HECW1: variants seen among roughly 807,000 people sequenced by gnomAD.
HECW1 encodes E3 ubiquitin-protein ligase HECW1.
A neutral mutation model predicts 182.3 loss-of-function variants in HECW1; 61 were observed. The observed-to-expected ratio is 0.33, with a 90% CI of 0.27 to 0.41. The LOEUF (loss-of-function observed/expected upper bound fraction) is 0.41, where lower values mean the gene tolerates loss of function less well. HECW1 is among the 10% of genes least tolerant of loss of function. HECW1 has a pLI of 1.00. For missense variants in HECW1, 1,739 were observed against 2,108.9 expected, an observed-to-expected ratio of 0.82 and a Z score of 3.44; for synonymous variants, 859 against 832.6, an observed-to-expected ratio of 1.03 and a Z score of -0.55.
chr7:43,508,034 G>A lies in HECW1; in HGVS notation c.3769G>A (p.Asp1257Asn). The A allele has an allele frequency of 1.2e-6, 2 of 1,613,770 alleles. No individual in the cohort carries two copies. Among genetic ancestry groups the A allele is most frequent in the Non-Finnish European group, 1.7e-6 (2 of 1,179,706 alleles). Residue 1257 changes from aspartate (D) to asparagine (N), a missense_variant, in exon 23 of 30, where the codon GAT becomes AAT. This residue lies in a region of HECW1 where 420 missense variants were observed against 595.7 expected (regional missense o/e 0.71). Coordinates refer to ENST00000395891, the MANE Select transcript of HECW1 (RefSeq NM_015052.5). ...PGKIKLIIRRDHLLEGTFNQV... is the reference protein window; with the variant it reads ...PGKIKLIIRRNHLLEGTFNQV... ...CCTTCTCAGGCTCATTATTCGCCGG[G>A]ATCATTTGTTGGAGGGAACCTTCAA...
rs762506249 is a variant in HECW1, at chr7:43,396,827, T to C, written c.569T>C (p.Ile190Thr). ...TTCTTTTTACAGATTTTTAAAAGCA[T>C]TGGTGCTGATGAGACCGTCCAAGGA... The part of the protein sequence containing the change: ...KNSAAPIFKS[I>T]GADETVQGQG... The change falls in exon 7 of 30, where the codon ATT becomes ACT. Residue 190 changes from isoleucine to threonine, a missense_variant. By Grantham distance (89) the Ile-to-Thr change is moderately conservative. This residue lies in a region of HECW1 where 279 missense variants were observed against 353.1 expected (regional missense o/e 0.79). Transcript: ENST00000395891. 11 of 1,612,172 alleles carry C rather than the reference T, an allele frequency of 6.8e-6. No homozygotes were observed. Among genetic ancestry groups the C allele is most frequent in the Admixed American group, 5.0e-5 (3 of 59,996 alleles).
chr7:43,211,754 G>A (rs370876449), intron 2 of HECW1, among the ~76,000 whole-genome samples: 2 of 152,272 alleles, frequency 1.3e-5, no homozygotes, highest in East Asian at 3.9e-4. Flanking sequence ...TTGAACAAAG[G>A]GAAAACCTTT....
At chr7:43,518,284 C>T (rs1325537821) in intron 24 of HECW1, among the ~76,000 whole-genome samples, 1 of 152,064 alleles carries the variant, frequency 6.6e-6, no homozygotes, top group South Asian at 2.1e-4. Flanking sequence ...CACTTGAGGT[C>T]AGGAGTTTGA....
At chr7:43,284,089 G>A (rs955843249) in intron 3 of HECW1, among the ~76,000 whole-genome samples, 5 of 152,144 alleles carry the variant, frequency 3.3e-5, no homozygotes, top group Non-Finnish European at 2.9e-5. Flanking sequence ...TTTGAGATAC[G>A]TGACTCTAAA....
At chr7:43,283,577 T>C (rs1804209230) in intron 3 of HECW1, among the ~76,000 whole-genome samples, 1 of 152,230 alleles carries the variant, frequency 6.6e-6, no homozygotes, top group Non-Finnish European at 1.5e-5. Context: ...CTGATAGATA[T>C]AAGCCACATA....
At chr7:43,272,278 G>A (rs1406970945) in intron 3 of HECW1, among the ~76,000 whole-genome samples, 2 of 152,000 alleles carry the variant, frequency 1.3e-5, no homozygotes, top group African/African-American at 4.8e-5. Flanking sequence ...TCAGCCTTAG[G>A]AAAGAATTTA....
At position 43,363,719 on chromosome 7, in the gene HECW1, G is replaced by C. The variant is rs149711778; in HGVS notation, c.555+2739G>C. ...TTAGGTTTCATAGGAGCCACTGGGAGGAGCCCCCTTTGTTTGATGGCGTGG... is the reference window on the plus strand; with the variant it reads ...TTAGGTTTCATAGGAGCCACTGGGACGAGCCCCCTTTGTTTGATGGCGTGG... On this transcript the variant is annotated intron_variant, in intron 6 of 29. Transcript: ENST00000395891. 1.4e-4 allele frequency among the ~76,000 whole-genome samples: 21 copies of C among 152,288 alleles called. No individual in the cohort carries two copies. In the East Asian group the frequency reaches 2.3e-3, roughly 17 times the overall value.
chr7:43,305,010 G>T (rs746796699), intron 3 of HECW1, among the ~76,000 whole-genome samples: 1 of 152,228 alleles, frequency 6.6e-6, no homozygotes, highest in Non-Finnish European at 1.5e-5. Context: ...AGAGGAAGCT[G>T]CGGGACTGAG....
chr7:43,430,798 T>G (rs1461527449), intron 8 of HECW1, among the ~76,000 whole-genome samples: 3 of 150,402 alleles, frequency 2.0e-5, no homozygotes, highest in Non-Finnish European at 4.4e-5. Context: ...ATTATTATTA[T>G]TGAGATGGAG....
chr7:43,488,390 GGA>G (rs2078750900), intron 17 of HECW1, among the ~76,000 whole-genome samples: 1 of 47,182 alleles, frequency 2.1e-5, no homozygotes, highest in African/African-American at 6.3e-5. Flanking sequence ...AAGGAAGGAA[GGA>G]AGGAAGGAAA....
chr7:43,151,354 G>A (rs934143752), intron 2 of HECW1, among the ~76,000 whole-genome samples: 2 of 152,188 alleles, frequency 1.3e-5, no homozygotes, highest in Non-Finnish European at 2.9e-5. Context: ...TTGTAAAAAT[G>A]ATTGATTTAC....
intron 26 of HECW1, among the ~76,000 whole-genome samples, chr7:43,544,064 A>T (rs2081465532): frequency 6.6e-6 from 1 of 152,170 alleles, no homozygotes; most frequent in Admixed American, 6.5e-5. Flanking sequence ...GAATGTAAAA[A>T]TTTTTAAAAA....
At position 43,473,378 on chromosome 7, in the gene HECW1, A is replaced by G. The variant is rs144223216; in HGVS notation, c.3099+4273A>G. Among the ~76,000 whole-genome samples, 309 of 152,352 alleles carry G rather than the reference A, an allele frequency of 2.0e-3. 6 individuals carry two copies. In the East Asian group the frequency reaches 0.051, roughly 25 times the overall value. On this transcript the variant is annotated intron_variant, in intron 16 of 29. Transcript: ENST00000395891. ...CACACTAAGACACTGATGAAACACCAAAAGCCATTCTCCAGATGGATCACT... is the reference window on the plus strand; with the variant it reads ...CACACTAAGACACTGATGAAACACCGAAAGCCATTCTCCAGATGGATCACT...
intron 24 of HECW1, among the ~76,000 whole-genome samples, chr7:43,515,623 T>C (rs1402255347): frequency 6.6e-6 from 1 of 152,206 alleles, no homozygotes; most frequent in Non-Finnish European, 1.5e-5. Flanking sequence ...TACTTATCAG[T>C]GCAAAGACAC....
chr7:43,390,188 T>C (rs1044494607), intron 6 of HECW1, among the ~76,000 whole-genome samples: 5 of 151,660 alleles, frequency 3.3e-5, no homozygotes, highest in African/African-American at 1.2e-4. Context: ...GTCTTCAAGG[T>C]GGTAAAGAAA....
chr7:43,474,517 T>G (rs2078148145), intron 16 of HECW1, among the ~76,000 whole-genome samples: 1 of 151,858 alleles, frequency 6.6e-6, no homozygotes, highest in Admixed American at 6.6e-5. Context: ...TATTAATCAA[T>G]GGCAAAATAA....
chr7:43,485,163 G>C (rs921945132), intron 17 of HECW1, among the ~76,000 whole-genome samples: 1 of 152,190 alleles, frequency 6.6e-6, no homozygotes, highest in African/African-American at 2.4e-5. Context: ...TGACAGGGAA[G>C]AGAAGCTTGC....
chr7:43,303,944 G>A (rs1052227829), intron 3 of HECW1, among the ~76,000 whole-genome samples: 1 of 152,140 alleles, frequency 6.6e-6, no homozygotes, highest in Non-Finnish European at 1.5e-5. Context: ...AGGACCCAGG[G>A]GCAGTATTTA....
intron 2 of HECW1, among the ~76,000 whole-genome samples, chr7:43,162,087 G>A (rs1790596067): frequency 6.6e-6 from 1 of 152,214 alleles, no homozygotes; most frequent in Admixed American, 6.5e-5. Flanking sequence ...ATCCACTTTA[G>A]TGAACATCAA....
Sources: allele counts gnomAD v4.1 joint callset (sites outside exome capture counted in the v4.1 genomes callset), GRCh38; gene constraint gnomAD v4.1.1; regional missense constraint gnomAD v4.1.1; transcripts MANE v1.5; gene names NCBI Gene and HGNC (gene_info 2026-07-23, HGNC 2026-07-21).